The following C10orf67 variants were observed in gnomAD, a reference collection of about 807,000 sequenced individuals.
C10orf67 encodes chromosome 10 open reading frame 67.
A neutral mutation model predicts 35.6 loss-of-function variants in C10orf67; 60 were observed. That is an observed-to-expected ratio of 1.68 (90% CI 1.37 to 2.09). The LOEUF (loss-of-function observed/expected upper bound fraction) is 2.09. C10orf67 is among the 30% of genes most tolerant of loss of function. The pLI, the probability that C10orf67 is intolerant of heterozygous loss-of-function variation, is 0.00. For synonymous variants in C10orf67, 167 were observed against 115.8 expected (o/e 1.44, Z -2.84); for missense variants, 474 against 330.2 (o/e 1.44, Z -3.38).
At chr10:23,335,469 T>C (rs1181680588) in intron 1 of C10orf67, among the ~76,000 whole-genome samples, 2 of 152,222 alleles carry the variant, frequency 1.3e-5, no homozygotes, top group Admixed American at 6.5e-5. Flanking sequence ...AGTGTGTTAA[T>C]ACTTAGAAGT....
chr10:23,230,671 C>T (rs10764396), intron 13 of C10orf67, among the ~76,000 whole-genome samples: 90,551 of 151,964 alleles, frequency 0.6, 27,950 homozygotes, highest in East Asian at 0.88. Context: ...AAAGAGGAAA[C>T]CTGAATGGTC....
At chr10:23,332,945 G>T in intron 2 of C10orf67, 117 bp downstream of exon 2, 1 of 1,027,252 alleles carries the variant, frequency 9.7e-7, no homozygotes, top group Non-Finnish European at 1.4e-6. Context: ...TCAGCTGTTT[G>T]TCAAAGATGC....
rs759853897 is a variant in C10orf67 at position 23,303,184 on chromosome 10, T to C, written c.702+120A>G. On this transcript the variant is annotated intron_variant, in intron 5 of 15. Coordinates refer to ENST00000636213, the MANE Select transcript of C10orf67 (RefSeq NM_001371909.1). ...AGAAAAGAGTTAGACTGGCTTATAT[T>C]ATGGGGAGATGCCCAAAATGCAGCA... is the stretch of plus-strand genomic sequence containing the variant. 2.4e-3 allele frequency: 944 copies of C among 399,510 alleles called. 26 individuals carry two copies. Among genetic ancestry groups the C allele is most frequent in the Non-Finnish European group, 4.9e-4 (108 of 222,392 alleles). 24.7% of individuals were successfully genotyped at this position (399,510 alleles called of 1,614,324 possible).
chr10:23,240,594 G>A (rs750181673), intron 12 of C10orf67, among the ~76,000 whole-genome samples: 4 of 152,192 alleles, frequency 2.6e-5, no homozygotes, highest in Non-Finnish European at 4.4e-5. Flanking sequence ...GATTGCAAGC[G>A]ATGCGAAAAT....
At chr10:23,254,599 T>C (rs1248741417) in intron 10 of C10orf67, among the ~76,000 whole-genome samples, 4 of 152,310 alleles carry the variant, frequency 2.6e-5, no homozygotes, top group Middle Eastern at 3.4e-3. Flanking sequence ...AATTAAGAAA[T>C]AAAGGTTCAT....
intron 5 of C10orf67, among the ~76,000 whole-genome samples, chr10:23,298,976 G>A (rs1843982064): frequency 6.6e-6 from 1 of 152,228 alleles, no homozygotes; most frequent in South Asian, 2.1e-4. Context: ...CAGTCCAGGT[G>A]AGTTGAGACA....
chr10:23,215,118 C>T (rs552032800), intron 15 of C10orf67, among the ~76,000 whole-genome samples: 18 of 152,170 alleles, frequency 1.2e-4, no homozygotes, highest in African/African-American at 2.4e-4. Flanking sequence ...TTCAATGTAT[C>T]TGAAAATGTA....
chr10:23,285,996 T>C (rs1843514443), intron 7 of C10orf67, among the ~76,000 whole-genome samples: 1 of 152,186 alleles, frequency 6.6e-6, no homozygotes, highest in Non-Finnish European at 1.5e-5. Context: ...GATTTTGTTT[T>C]TTTGCTTTAA....
At chr10:23,295,253 T>C (rs1313555584) in intron 5 of C10orf67, among the ~76,000 whole-genome samples, 1 of 152,236 alleles carries the variant, frequency 6.6e-6, no homozygotes, top group Non-Finnish European at 1.5e-5. Flanking sequence ...AACAGCCTGC[T>C]TACATATGAG....
At chr10:23,255,675 T>G (rs1365256091) in intron 10 of C10orf67, among the ~76,000 whole-genome samples, 1 of 152,078 alleles carries the variant, frequency 6.6e-6, no homozygotes, top group Non-Finnish European at 1.5e-5. Context: ...ATCTATTAAA[T>G]ATGATGAAGC....
chr10:23,335,187 C>CA (rs147004467), intron 1 of C10orf67, among the ~76,000 whole-genome samples: 1,237 of 79,188 alleles, frequency 0.016, 8 homozygotes, highest in African/African-American at 0.039. Flanking sequence ...GATTCTGTCT[C>CA]AAAAAAAAAA....
intron 10 of C10orf67, among the ~76,000 whole-genome samples, chr10:23,259,812 TG>T (rs1332569683): frequency 6.6e-6 from 1 of 151,696 alleles, no homozygotes; most frequent in Non-Finnish European, 1.5e-5. Context: ...TCAATATAAC[TG>T]AAAAAAGTAA....
At chr10:23,234,072 G>A (rs1841978620) in intron 13 of C10orf67, among the ~76,000 whole-genome samples, 1 of 152,166 alleles carries the variant, frequency 6.6e-6, no homozygotes, top group South Asian at 2.1e-4. Flanking sequence ...CACATGGTTG[G>A]TGGAAATGTA....
chr10:23,243,493 G>A lies in C10orf67; in HGVS notation c.1347-3677C>T, dbSNP rs1158526358. 2.6e-5 allele frequency among the ~76,000 whole-genome samples: 4 copies of A among 151,760 alleles called. No homozygotes were observed. The East Asian group carries it at 7.8e-4, about 29-fold the overall frequency. On this transcript the variant is annotated intron_variant, in intron 12 of 15. Transcript: ENST00000636213. ...GAGGTCAGGAGTTTGAGACCAGCCT[G>A]ACCAACATGGAGAAATCCCGTCTCT...
intron 1 of C10orf67, among the ~76,000 whole-genome samples, chr10:23,333,518 T>C (rs140920821): frequency 0.011 from 1,619 of 152,358 alleles, 32 homozygotes; most frequent in African/African-American, 0.037. Flanking sequence ...ATAGGCCTAT[T>C]CAGCAGAAAT....
rs377215778 is a variant in C10orf67, at chr10:23,330,914, G to A, written c.327+2148C>T. Among the ~76,000 whole-genome samples, 28 of 151,500 alleles carry A rather than the reference G, an allele frequency of 1.8e-4. 1 individual carries two copies. The East Asian group carries it at 3.9e-3, about 21-fold the overall frequency. ...CAAACAGTAGGATCCATGCTCTAGC[G>A]GAAGAAGTAAGAAAAGGAAGGAAAC... On this transcript the variant is annotated intron_variant, in intron 2 of 15. Transcript: ENST00000636213.
chr10:23,318,826 C>T (rs1844834520), intron 4 of C10orf67: 4 of 746,466 alleles, frequency 5.4e-6, no homozygotes, highest in African/African-American at 3.4e-5. Context: ...TTTCATGGCT[C>T]CATGACATTA....
chr10:23,313,089 A>G (rs980294304), intron 4 of C10orf67, among the ~76,000 whole-genome samples: 2 of 152,028 alleles, frequency 1.3e-5, no homozygotes, highest in African/African-American at 4.8e-5. Context: ...TCCCCCAAAT[A>G]TTCATTGTCC....
At chr10:23,331,880 C>G (rs11013397) in intron 2 of C10orf67, among the ~76,000 whole-genome samples, 1 of 151,630 alleles carries the variant, frequency 6.6e-6, no homozygotes, top group African/African-American at 2.4e-5. Flanking sequence ...CACTTAGTTA[C>G]GAAAGAATAA....
Sources: allele counts gnomAD v4.1 joint callset (sites outside exome capture counted in the v4.1 genomes callset), GRCh38; gene constraint gnomAD v4.1.1; transcripts MANE v1.5; gene names NCBI Gene and HGNC (gene_info 2026-07-23, HGNC 2026-07-21).